ZNF664: variants seen among roughly 807,000 people sequenced by gnomAD.
ZNF664 encodes the protein zinc finger Organ of Corti 1.
Under a neutral mutation model 18.2 loss-of-function variants are expected in ZNF664, and 10 were observed. That is an observed-to-expected ratio of 0.55 (90% CI 0.34 to 0.93). ZNF664 has a LOEUF of 0.93. Among genes scored for constraint, ZNF664 ranks in the 40% least tolerant of loss-of-function variants. The pLI, the probability that ZNF664 is intolerant of heterozygous loss-of-function variation, is 0.02. For missense variants in ZNF664, 193 were observed against 319.0 expected, an observed-to-expected ratio of 0.61 and a Z score of 3.01; for synonymous variants, 119 against 104.2, an observed-to-expected ratio of 1.14 and a Z score of -0.86.
chr12:124,008,172 GC>G (rs1163252212), intron 3 of ZNF664, among the ~76,000 whole-genome samples: 1 of 152,106 alleles, frequency 6.6e-6, no homozygotes, highest in African/African-American at 2.4e-5. Flanking sequence ...AAAAAAAGGG[GC>G]AGTTGTGCTG....
intron 3 of ZNF664, among the ~76,000 whole-genome samples, chr12:124,006,417 C>T (rs1957074385): frequency 6.6e-6 from 1 of 152,170 alleles, no homozygotes; most frequent in African/African-American, 2.4e-5. Context: ...GCCTGTTAGT[C>T]CTGTACCCCC....
In ZNF664 at chr12:124,014,201, T is replaced by C. The variant is rs1957166034; in HGVS notation, c.*1271T>C. 4 of 165,472 alleles carry C rather than the reference T, an allele frequency of 2.4e-5. No individual in the cohort carries two copies. The South Asian group carries it at 8.5e-4, about 35-fold the overall frequency. The allele number at this position is 165,472 out of a possible 1,614,324, so 10.3% of individuals were successfully genotyped here. ...GGGTGGGGTGGGGGTGGGGTGACAT[T>C]AGCTAGTGGTCAGGGAGGCCTTTCC... On this transcript the variant is annotated 3_prime_UTR_variant, in exon 5 of 5. Coordinates refer to ENST00000337815, the MANE Select transcript of ZNF664 (RefSeq NM_152437.3).
chr12:124,009,869 A>G (rs1019701638), intron 3 of ZNF664, among the ~76,000 whole-genome samples: 3 of 147,360 alleles, frequency 2.0e-5, no homozygotes, highest in Non-Finnish European at 4.5e-5. Context: ...AGCATAGAAC[A>G]TATACTATTG....
chr12:123,983,715 A>G (rs1284296100), intron 2 of ZNF664, among the ~76,000 whole-genome samples: 1 of 152,200 alleles, frequency 6.6e-6, no homozygotes, highest in Non-Finnish European at 1.5e-5. Context: ...GTGTAGTTCA[A>G]ATATGTTTAG....
intron 3 of ZNF664, among the ~76,000 whole-genome samples, chr12:123,991,154 A>G (rs1956884303): frequency 6.6e-6 from 1 of 152,202 alleles, no homozygotes. Context: ...TTTACTAGTT[A>G]GATAAGATAA....
rs569420059 is a variant in ZNF664 at position 124,003,503 on chromosome 12, T to C, written c.-660-7878T>C. On this transcript the variant is annotated intron_variant, in intron 3 of 4. Transcript: ENST00000337815. ...ACCTCTGTCTCCCAGGTTCAAGCGA[T>C]TCTCCTGCCTCAGCCTCTGGAGTAG... 6.0e-3 allele frequency: 913 copies of C among 152,528 alleles called. 11 individuals carry two copies. Among genetic ancestry groups the C allele is most frequent in the Non-Finnish European group, 5.9e-3 (401 of 68,364 alleles). The allele number at this position is 152,528 out of a possible 1,614,324, so 9.4% of individuals were successfully genotyped here.
chr12:123,986,820 G>A (rs566636698), intron 2 of ZNF664, among the ~76,000 whole-genome samples: 1 of 152,236 alleles, frequency 6.6e-6, no homozygotes, highest in African/African-American at 2.4e-5. Flanking sequence ...TTCAGTAAGG[G>A]AGGAAAAAAC....
chr12:124,013,905 T>A lies in ZNF664; in HGVS notation c.*975T>A, dbSNP rs973488285. On this transcript the variant is annotated 3_prime_UTR_variant, in exon 5 of 5. Coordinates refer to ENST00000337815, the MANE Select transcript of ZNF664 (RefSeq NM_152437.3). ...GAGTTCTTGATACCCCTTCATTGAT[T>A]ACTGTGTATCAGTTCTTTGTTAGGC... The A allele has an allele frequency of 6.0e-6, 1 of 167,146 alleles. No individual in the cohort carries two copies. The highest frequency in any genetic ancestry group is 6.5e-5 in the Admixed American group (1 of 15,292). 10.4% of individuals were successfully genotyped at this position (167,146 alleles called of 1,614,324 possible). A position where few individuals can be genotyped will look rare whatever the true frequency, so the allele number is the denominator to read the frequency against.
chr12:124,001,616 C>G (rs1014267096), intron 3 of ZNF664, among the ~76,000 whole-genome samples: 1 of 152,208 alleles, frequency 6.6e-6, no homozygotes, highest in African/African-American at 2.4e-5. Flanking sequence ...CTCCCCTGAC[C>G]TCTGACCCCT....
intron 2 of ZNF664, among the ~76,000 whole-genome samples, chr12:123,980,127 G>GTA (rs754551597): frequency 7.9e-5 from 12 of 151,758 alleles, no homozygotes; most frequent in East Asian, 5.8e-4. Flanking sequence ...GTGAGTGTGT[G>GTA]TATATATATA....
rs1489482101 is a variant in ZNF664 at position 124,013,445 on chromosome 12, T to A, written c.*515T>A. 2 of 173,152 alleles carry A rather than the reference T, an allele frequency of 1.2e-5. No homozygotes were observed. Among genetic ancestry groups the A allele is most frequent in the East Asian group, 3.8e-4 (2 of 5,306 alleles). 10.7% of individuals were successfully genotyped at this position (173,152 alleles called of 1,614,324 possible). On this transcript the variant is annotated 3_prime_UTR_variant, in exon 5 of 5. Transcript: ENST00000337815. ...CATATCTTTCCATATATCCTATTAT[T>A]TCTGAATATATGTCCTCAAAATCCC...
chr12:123,994,978 C>CAT (rs1403249776), intron 3 of ZNF664, among the ~76,000 whole-genome samples: 1 of 152,092 alleles, frequency 6.6e-6, no homozygotes, highest in Non-Finnish European at 1.5e-5. Flanking sequence ...TCAGCTGGGG[C>CAT]ATAACTAGGG....
chr12:124,011,855 C>A lies in ZNF664; in HGVS notation c.-290C>A. Reference sequence around the variant, plus strand: ...TGAGAGCCCCTTGGAATGTTGACAACTCAGGATCTAAAACAAAGTTCTGTG... The same window carrying A: ...TGAGAGCCCCTTGGAATGTTGACAAATCAGGATCTAAAACAAAGTTCTGTG... On this transcript the variant is annotated 5_prime_UTR_variant, in exon 5 of 5. Transcript: ENST00000337815. 1 of 1,206,528 alleles carries A rather than the reference C, an allele frequency of 8.3e-7. No homozygotes were observed. The highest frequency in any genetic ancestry group is 3.5e-4 in the Middle Eastern group (1 of 2,876). 74.7% of individuals were successfully genotyped at this position (1,206,528 alleles called of 1,614,324 possible).
chr12:124,003,208 A>G (rs1376303341), intron 3 of ZNF664, among the ~76,000 whole-genome samples: 1 of 152,198 alleles, frequency 6.6e-6, no homozygotes, highest in African/African-American at 2.4e-5. Flanking sequence ...GATGGAATTG[A>G]CAGTGGCAAT....
chr12:123,995,492 C>T (rs1956937894), intron 3 of ZNF664, among the ~76,000 whole-genome samples: 1 of 152,204 alleles, frequency 6.6e-6, no homozygotes, highest in Non-Finnish European at 1.5e-5. Context: ...TTTCCAGAGC[C>T]AGTTTACCAT....
At position 123,986,898 on chromosome 12, in the gene ZNF664, C is replaced by G. The variant is rs189855786; in HGVS notation, c.-756-1145C>G. 2.6e-5 allele frequency among the ~76,000 whole-genome samples: 4 copies of G among 152,324 alleles called. No homozygotes were observed. The East Asian group carries it at 7.7e-4, about 29-fold the overall frequency. ...TCCTGCCCTTTAAAATATTATCCTG[C>G]TAACAGCTTTCATTCTAAGTTGAAC... is the stretch of plus-strand genomic sequence containing the variant. On this transcript the variant is annotated intron_variant, in intron 2 of 4. Coordinates refer to ENST00000337815, the MANE Select transcript of ZNF664 (RefSeq NM_152437.3).
chr12:123,974,188 C>T (rs1248824654), intron 2 of ZNF664, 168 bp downstream of exon 2: 1 of 435,648 alleles, frequency 2.3e-6, no homozygotes, highest in East Asian at 3.6e-5. Context: ...TCCGCCACAT[C>T]ACCTCTCATT....
At chr12:123,993,674 A>G (rs1329176781) in intron 3 of ZNF664, among the ~76,000 whole-genome samples, 2 of 152,148 alleles carry the variant, frequency 1.3e-5, no homozygotes, top group Non-Finnish European at 2.9e-5. Context: ...CTTTGGCGGT[A>G]TGTACGTCCT....
intron 2 of ZNF664, among the ~76,000 whole-genome samples, chr12:123,979,589 A>G (rs1956736487): frequency 6.6e-6 from 1 of 152,246 alleles, no homozygotes; most frequent in Non-Finnish European, 1.5e-5. Flanking sequence ...TTGCAGCGTC[A>G]TTTATAATGA....
Sources: allele counts gnomAD v4.1 joint callset (sites outside exome capture counted in the v4.1 genomes callset), GRCh38; gene constraint gnomAD v4.1.1; transcripts MANE v1.5; gene names NCBI Gene and HGNC (gene_info 2026-07-23, HGNC 2026-07-21).